Variants in OLFM3 observed in about 807,000 individuals in gnomAD.
OLFM3 encodes noelin-3.
OLFM3 carries 20 observed loss-of-function variants against 48.6 expected under a neutral mutation model. The observed-to-expected ratio is 0.41, with a 90% CI of 0.29 to 0.60. The LOEUF (loss-of-function observed/expected upper bound fraction) is 0.60. Among genes scored for constraint, OLFM3 ranks in the 20% least tolerant of loss-of-function variants. OLFM3 has a pLI of 0.28. For synonymous variants in OLFM3, 222 were observed against 198.1 expected (o/e 1.12, Z -1.01); for missense variants, 437 against 544.3 (o/e 0.80, Z 1.96).
intron 1 of OLFM3, among the ~76,000 whole-genome samples, chr1:101,986,066 C>T (rs558528756): frequency 2.0e-5 from 3 of 151,348 alleles, no homozygotes; most frequent in Admixed American, 6.6e-5. Flanking sequence ...CCCGGGTTCA[C>T]GCCATTCTCC....
chr1:101,975,177 A>G (rs565809575), intron 1 of OLFM3, among the ~76,000 whole-genome samples: 1 of 152,292 alleles, frequency 6.6e-6, no homozygotes, highest in Admixed American at 6.5e-5. Context: ...CAGGTAAACA[A>G]TTGCTGTTTG....
chr1:101,872,106 G>A (rs1557710320), intron 1 of OLFM3, among the ~76,000 whole-genome samples: 1 of 151,994 alleles, frequency 6.6e-6, no homozygotes, highest in Non-Finnish European at 1.5e-5. Flanking sequence ...TGAGAGGAAG[G>A]TAAGAAGGTT....
intron 1 of OLFM3, among the ~76,000 whole-genome samples, chr1:101,895,632 G>C (rs1437360285): frequency 1.3e-5 from 2 of 152,088 alleles, no homozygotes; most frequent in Non-Finnish European, 2.9e-5. Flanking sequence ...GATAGCCTGT[G>C]AAGACTGTTG....
rs17125799 is a variant in OLFM3 at position 101,941,779 on chromosome 1, G to A, written c.69+54969C>T. 1.0e-3 allele frequency among the ~76,000 whole-genome samples: 152 copies of A among 152,292 alleles called. 1 individual carries two copies. The highest frequency in any genetic ancestry group is 3.4e-3 in the African/African-American group (142 of 41,558). Reference sequence around the variant, plus strand: ...CTGCTAAAACTGAAGCACAGCCTAGGTTCAAACAAGTGGGGCATTGATATT... The same window carrying A: ...CTGCTAAAACTGAAGCACAGCCTAGATTCAAACAAGTGGGGCATTGATATT... On this transcript the variant is annotated intron_variant, in intron 1 of 5. Transcript: ENST00000370103.
At chr1:101,891,881 C>T (rs189783121) in intron 1 of OLFM3, among the ~76,000 whole-genome samples, 117 of 151,900 alleles carry the variant, frequency 7.7e-4, no homozygotes, top group African/African-American at 2.6e-3. Context: ...TATGGAATTG[C>T]CATTTTTAAA....
chr1:101,819,223 G>A (rs6702193), intron 4 of OLFM3, among the ~76,000 whole-genome samples: 86,703 of 151,796 alleles, frequency 0.57, 25,450 homozygotes, highest in East Asian at 0.81. Context: ...GAAAGCATGC[G>A]CAATTGAGAA....
At chr1:101,946,718 C>T (rs1474166598) in intron 1 of OLFM3, among the ~76,000 whole-genome samples, 1 of 152,112 alleles carries the variant, frequency 6.6e-6, no homozygotes, top group African/African-American at 2.4e-5. Flanking sequence ...ATATAGCTCC[C>T]ATGGCCCAGG....
chr1:101,961,484 T>A (rs183415722), intron 1 of OLFM3, among the ~76,000 whole-genome samples: 95 of 152,150 alleles, frequency 6.2e-4, no homozygotes, highest in African/African-American at 2.1e-3. Context: ...AAAAACTTTT[T>A]AAAAATATTT....
At chr1:101,973,911 T>C (rs1242703814) in intron 1 of OLFM3, among the ~76,000 whole-genome samples, 1 of 152,218 alleles carries the variant, frequency 6.6e-6, no homozygotes, top group African/African-American at 2.4e-5. Flanking sequence ...ATAAACTTGC[T>C]TTCTTTCACT....
Position 101,858,002 on chromosome 1 carries a change from T to G in OLFM3, c.70-20977A>C, listed in dbSNP as rs1398554386. On this transcript the variant is annotated intron_variant, in intron 1 of 5. Transcript: ENST00000370103. The stretch of plus-strand genomic sequence containing the variant: ...TGAAAATGCATGTGTAGGTCACAAT[T>G]TACATTTTATTGCAATCCATAAGGT... 3.3e-5 allele frequency among the ~76,000 whole-genome samples: 5 copies of G among 151,932 alleles called. No individual in the cohort carries two copies. In the East Asian group the frequency reaches 9.6e-4, roughly 29 times the overall value.
intron 1 of OLFM3, among the ~76,000 whole-genome samples, chr1:101,934,490 T>C (rs1659549971): frequency 6.6e-6 from 1 of 152,128 alleles, no homozygotes; most frequent in African/African-American, 2.4e-5. Flanking sequence ...TAGAGATCTA[T>C]GAAGAGACTA....
intron 4 of OLFM3, chr1:101,812,330 G>T: frequency 1.4e-6 from 1 of 715,568 alleles, no homozygotes; most frequent in Non-Finnish European, 1.7e-6. Flanking sequence ...AACTTAAAGT[G>T]TAATTTTAAA....
chr1:101,980,299 C>T (rs555845334), intron 1 of OLFM3, among the ~76,000 whole-genome samples: 20 of 151,924 alleles, frequency 1.3e-4, no homozygotes, highest in Admixed American at 3.9e-4. Context: ...TGGGAGGGGC[C>T]GGGGTGGAAT....
intron 1 of OLFM3, among the ~76,000 whole-genome samples, chr1:101,853,349 A>G (rs1220915506): frequency 1.3e-5 from 2 of 152,004 alleles, no homozygotes; most frequent in African/African-American, 2.4e-5. Context: ...TCCCAAGATC[A>G]TCTCTCATAA....
intron 4 of OLFM3, among the ~76,000 whole-genome samples, chr1:101,819,289 A>C (rs1180754738): frequency 2.6e-5 from 4 of 152,118 alleles, no homozygotes; most frequent in African/African-American, 9.7e-5. Context: ...GAACCTGAGA[A>C]CTCAAGGCCT....
chr1:101,956,104 A>G (rs200471746), intron 1 of OLFM3, among the ~76,000 whole-genome samples: 1 of 67,492 alleles, frequency 1.5e-5, no homozygotes, highest in South Asian at 4.7e-4. Context: ...TTTTTTTTTT[A>G]AAAAAAACCT....
chr1:101,935,303 C>T (rs1659577693), intron 1 of OLFM3, among the ~76,000 whole-genome samples: 1 of 137,958 alleles, frequency 7.2e-6, no homozygotes, highest in African/African-American at 2.6e-5. Context: ...TACTACTGAA[C>T]CTAGAGAAAT....
At chr1:101,812,497 G>A (rs1654115486) in intron 4 of OLFM3, 35 of 985,216 alleles carry the variant, frequency 3.6e-5, no homozygotes, top group Non-Finnish European at 4.2e-5. Flanking sequence ...TTCAGATGTT[G>A]AGGTGTGCAT....
At chr1:101,819,246 G>A (rs1654485111) in intron 4 of OLFM3, among the ~76,000 whole-genome samples, 1 of 152,038 alleles carries the variant, frequency 6.6e-6, no homozygotes, top group Admixed American at 6.6e-5. Context: ...TGGAAGATTA[G>A]AATGGTTAAA....
Sources: gnomAD v4.1 joint callset for allele counts (sites outside exome capture counted in the v4.1 genomes callset) on GRCh38, gnomAD v4.1.1 for gene constraint, MANE v1.5 for transcripts, NCBI Gene and HGNC (gene_info 2026-07-23, HGNC 2026-07-21) for gene names.